The following SGCD variants were observed in gnomAD, a reference collection of about 807,000 sequenced individuals.
The protein encoded by SGCD is sarcoglycan delta, also known as delta-sarcoglycan.
In SGCD, 18 loss-of-function variants were observed where a neutral mutation model predicts 36.6. That is an observed-to-expected ratio of 0.49 (90% confidence interval 0.34 to 0.73). The LOEUF is 0.73. SGCD is among the 30% of genes least tolerant of loss of function. The probability of loss-of-function intolerance (pLI) is 0.01; values close to 1 mark genes in which losing one functional copy is unlikely to be tolerated. For missense variants in SGCD, 387 were observed against 346.7 expected (o/e 1.12, Z -0.92); for synonymous variants, 133 against 130.6 (o/e 1.02, Z -0.12).
intron 3 of SGCD, among the ~76,000 whole-genome samples, chr5:156,383,924 G>C (rs890158324): frequency 1.4e-4 from 21 of 152,226 alleles, no homozygotes; most frequent in Non-Finnish European, 2.8e-4. Flanking sequence ...AATATGGCAA[G>C]AGACTCTGTG....
intron 3 of SGCD, among the ~76,000 whole-genome samples, chr5:156,251,311 G>A (rs1446233010): frequency 6.6e-6 from 1 of 152,102 alleles, no homozygotes; most frequent in Non-Finnish European, 1.5e-5. Flanking sequence ...CTTGCATGCA[G>A]AAGAATGCAA....
chr5:156,705,349 A>C (rs1754696323), intron 7 of SGCD, among the ~76,000 whole-genome samples: 1 of 152,184 alleles, frequency 6.6e-6, no homozygotes, highest in African/African-American at 2.4e-5. Flanking sequence ...CATGTCAGGG[A>C]ATCACGTGAT....
At chr5:156,516,751 AT>A (rs541408339) in intron 4 of SGCD, among the ~76,000 whole-genome samples, 339 of 152,266 alleles carry the variant, frequency 2.2e-3, no homozygotes, top group African/African-American at 8.1e-3. Context: ...AATCCCAGCA[AT>A]TTAGGAGGCC....
chr5:156,758,547 C>T (rs1291435905), intron 8 of SGCD, among the ~76,000 whole-genome samples: 2 of 152,098 alleles, frequency 1.3e-5, no homozygotes, highest in Non-Finnish European at 2.9e-5. Flanking sequence ...ATAGTCAGAA[C>T]ATTCAGTTAT....
chr5:156,141,700 G>A (rs1762585140), intron 3 of SGCD, among the ~76,000 whole-genome samples: 1 of 152,158 alleles, frequency 6.6e-6, no homozygotes. Context: ...GAAGAGAAGT[G>A]TTTGAATTTA....
the SGCD span, among the ~76,000 whole-genome samples, chr5:155,862,267 C>A: frequency 6.6e-6 from 1 of 151,912 alleles, no homozygotes; most frequent in African/African-American, 2.4e-5. Context: ...AGATACTTTT[C>A]CTAAATATTA....
At chr5:156,132,001 T>A (rs945847373) in intron 3 of SGCD, among the ~76,000 whole-genome samples, 1 of 152,214 alleles carries the variant, frequency 6.6e-6, no homozygotes, top group Admixed American at 6.5e-5. Context: ...AAATTGCAAA[T>A]ATGTGCAAGC....
the SGCD span, among the ~76,000 whole-genome samples, chr5:155,836,894 G>A: frequency 6.6e-6 from 1 of 152,130 alleles, no homozygotes; most frequent in Admixed American, 6.5e-5. Context: ...CTTAAGGGCA[G>A]TGGAGTAGCC....
chr5:156,413,293 T>C (rs2127771218), intron 3 of SGCD, among the ~76,000 whole-genome samples: 1 of 152,300 alleles, frequency 6.6e-6, no homozygotes, highest in South Asian at 2.1e-4. Context: ...GGAGTGACAC[T>C]TATGCTGAGA....
intron 1 of SGCD, among the ~76,000 whole-genome samples, chr5:155,944,888 C>A (rs1406787269): frequency 2.0e-5 from 3 of 151,488 alleles, no homozygotes; most frequent in Non-Finnish European, 4.4e-5. Context: ...CAAATACATG[C>A]CTTTGAAGAT....
rs577426974 is a variant in SGCD at position 155,960,179 on chromosome 5, C to T, written c.-282+89755C>T. On this transcript the variant is annotated intron_variant, in intron 1 of 9. Coordinates refer to the SGCD transcript ENST00000517913. ...TTCTCCTCTTCATTTCCACCTCTCC[C>T]GCTCCTTTTCTTTACACCACTCTTT... Among the ~76,000 whole-genome samples the T allele has an allele frequency of 8.5e-5, 13 of 152,132 alleles. No individual in the cohort carries two copies. In the South Asian group the frequency reaches 2.3e-3, roughly 27 times the overall value.
intron 1 of SGCD, among the ~76,000 whole-genome samples, chr5:155,937,238 TC>T (rs1757226092): frequency 6.6e-6 from 1 of 152,100 alleles, no homozygotes; most frequent in Non-Finnish European, 1.5e-5. Flanking sequence ...TCCCACTGGC[TC>T]CATAGAGCAT....
chr5:156,132,529 C>A lies in SGCD; in HGVS notation c.-44+8510C>A, dbSNP rs565554038. On this transcript the variant is annotated intron_variant, in intron 3 of 9. Transcript: ENST00000517913. Reference sequence around the variant, plus strand: ...TTTCGCCCAAGCTGGACTGCAGTGGCGCTATCCCGGCTCACTGCAAGCTCC... The same window carrying A: ...TTTCGCCCAAGCTGGACTGCAGTGGAGCTATCCCGGCTCACTGCAAGCTCC... 6.5e-3 allele frequency among the ~76,000 whole-genome samples: 789 copies of A among 120,848 alleles called. 9 individuals are homozygous for A. Among genetic ancestry groups the A allele is most frequent in the African/African-American group, 0.025 (752 of 30,412 alleles). 79.3% of individuals were successfully genotyped at this position (120,848 alleles called of 152,430 possible).
chr5:155,950,808 T>C (rs1757533585), intron 1 of SGCD, among the ~76,000 whole-genome samples: 1 of 152,206 alleles, frequency 6.6e-6, no homozygotes, highest in Non-Finnish European at 1.5e-5. Context: ...TACCACTTGA[T>C]ACTCTTCAAA....
At position 156,613,949 on chromosome 5, in the gene SGCD, G is replaced by GCTTC. The variant is rs370167445; in HGVS notation, c.502+18919_502+18922dup. 2.8e-3 allele frequency among the ~76,000 whole-genome samples: 422 copies of GCTTC among 152,066 alleles called. 3 individuals carry two copies. The highest frequency in any genetic ancestry group is 9.5e-3 in the African/African-American group (392 of 41,468). On this transcript the variant is annotated intron_variant, in intron 6 of 8. Coordinates refer to ENST00000337851, the MANE Select transcript of SGCD (RefSeq NM_000337.6). ...CTATTAGGAGGGTACAGGCTGGCTGGCTTCCTTCCTTCCTTCCTTCCTTCT... is the reference window on the plus strand; with the variant it reads ...CTATTAGGAGGGTACAGGCTGGCTGGCTTCCTTCCTTCCTTCCTTCCTTCCTTCT...
Position 156,329,527 on chromosome 5 carries a change from C to T in SGCD, c.-43-7C>T, listed in dbSNP as rs772784258. 1.2e-6 allele frequency: 2 copies of T among 1,605,576 alleles called. No individual in the cohort carries two copies. The highest frequency in any genetic ancestry group is 2.2e-5 in the South Asian group (2 of 90,766). On this transcript the variant is annotated splice_polypyrimidine_tract_variant and splice_region_variant and intron_variant, in intron 1 of 8. Coordinates refer to ENST00000337851, the MANE Select transcript of SGCD (RefSeq NM_000337.6). The stretch of plus-strand genomic sequence containing the variant: ...CCTTATTTTTAACCCATATTTGTTC[C>T]TTGCAGAGACATTACTGCCGGGAGT...
At chr5:156,339,669 GT>G (rs1768541018) in intron 2 of SGCD, among the ~76,000 whole-genome samples, 5 of 152,044 alleles carry the variant, frequency 3.3e-5, no homozygotes. Flanking sequence ...GTATTCTATT[GT>G]GCAATAGCAT....
chr5:156,526,261 G>GA (rs144932984), intron 4 of SGCD, among the ~76,000 whole-genome samples: 6 of 150,842 alleles, frequency 4.0e-5, no homozygotes, highest in South Asian at 2.1e-4. Flanking sequence ...GTTTATGAGG[G>GA]AAAAAAAAAG....
At chr5:156,537,163 G>A (rs1405258305) in intron 4 of SGCD, among the ~76,000 whole-genome samples, 1 of 152,076 alleles carries the variant, frequency 6.6e-6, no homozygotes, top group Non-Finnish European at 1.5e-5. Flanking sequence ...CTACTCCATG[G>A]GGAAACTTCT....
Sources: allele counts gnomAD v4.1 joint callset (sites outside exome capture counted in the v4.1 genomes callset), GRCh38; gene constraint gnomAD v4.1.1; transcripts MANE v1.5; gene names NCBI Gene and HGNC (gene_info 2026-07-23, HGNC 2026-07-21).